The following ICA1L variants were observed in gnomAD, a reference collection of about 807,000 sequenced individuals.
ICA1L encodes the protein islet cell autoantigen 1-like protein.
A neutral mutation model predicts 61.3 loss-of-function variants in ICA1L; 50 were observed. The observed-to-expected ratio is 0.82, with a 90% CI of 0.65 to 1.03. ICA1L has a LOEUF of 1.03. Among genes scored for constraint, ICA1L ranks in the 50% least tolerant of loss-of-function variants. The pLI, the probability that ICA1L is intolerant of heterozygous loss-of-function variation, is 0.00. For missense variants in ICA1L, 508 were observed against 556.7 expected (o/e 0.91, Z 0.88); for synonymous variants, 161 against 191.3 (o/e 0.84, Z 1.31).
chr2:202,808,315 T>C (rs1204394261), intron 9 of ICA1L, among the ~76,000 whole-genome samples: 1 of 151,974 alleles, frequency 6.6e-6, no homozygotes, highest in East Asian at 1.9e-4. Flanking sequence ...GGGCCTTGGG[T>C]GAGTATCAGC....
At chr2:202,824,026 A>G (rs1439872648) in intron 3 of ICA1L, among the ~76,000 whole-genome samples, 5 of 152,226 alleles carry the variant, frequency 3.3e-5, no homozygotes, top group African/African-American at 1.2e-4. Flanking sequence ...AAAATTATTG[A>G]TTCATTGAAA....
chr2:202,827,882 T>TTA (rs1446791063), intron 2 of ICA1L, among the ~76,000 whole-genome samples: 1 of 152,198 alleles, frequency 6.6e-6, no homozygotes, highest in African/African-American at 2.4e-5. Context: ...ACCAGTTTAA[T>TTA]TAGACTCATA....
chr2:202,866,951 A>C (rs1009478300), intron 1 of ICA1L, among the ~76,000 whole-genome samples: 3 of 152,142 alleles, frequency 2.0e-5, no homozygotes, highest in African/African-American at 7.2e-5. Context: ...CATCTCAAAA[A>C]ACTGTAAAAT....
chr2:202,843,437 G>T (rs1175100705), intron 1 of ICA1L, among the ~76,000 whole-genome samples: 1 of 152,180 alleles, frequency 6.6e-6, no homozygotes, highest in African/African-American at 2.4e-5. Flanking sequence ...CGCAAGAGTT[G>T]TTGGGGTCTT....
chr2:202,797,132 T>TTGTGTGTGTGTGTGTG (rs58006631), intron 9 of ICA1L, among the ~76,000 whole-genome samples, 168 bp from the exon 10 acceptor site: 11,266 of 147,586 alleles, frequency 0.076, 515 homozygotes, highest in Middle Eastern at 0.15. Flanking sequence ...AAAATCACAT[T>TTGTGTGTGTGTGTGTG]TGTGTGTGTG....
chr2:202,868,393 C>CT (rs1250567708), intron 1 of ICA1L, among the ~76,000 whole-genome samples: 1 of 152,106 alleles, frequency 6.6e-6, no homozygotes, highest in African/African-American at 2.4e-5. Context: ...ATAGTATAAC[C>CT]ATTTTGGAAA....
intron 1 of ICA1L, among the ~76,000 whole-genome samples, chr2:202,842,428 ATTG>A (rs1328494877): frequency 2.0e-5 from 3 of 152,126 alleles, no homozygotes; most frequent in African/African-American, 7.2e-5. Flanking sequence ...CAAGTAAAGT[ATTG>A]TTGTTTGACA....
At chr2:202,857,487 A>G (rs1694799051) in intron 1 of ICA1L, among the ~76,000 whole-genome samples, 1 of 152,234 alleles carries the variant, frequency 6.6e-6, no homozygotes, top group Non-Finnish European at 1.5e-5. Flanking sequence ...AAGATGGATT[A>G]AAGACTTAAT....
intron 10 of ICA1L, among the ~76,000 whole-genome samples, chr2:202,792,748 G>T (rs1692791650): frequency 6.6e-6 from 1 of 152,060 alleles, no homozygotes; most frequent in Non-Finnish European, 1.5e-5. Flanking sequence ...AGGTTGCAGT[G>T]GGCCAAGATC....
intron 1 of ICA1L, among the ~76,000 whole-genome samples, chr2:202,847,713 A>ATATATATATAT (rs1242055604): frequency 5.4e-5 from 8 of 147,456 alleles, no homozygotes; most frequent in African/African-American, 7.6e-5. Flanking sequence ...ATATATAGTT[A>ATATATATATAT]AGCAGTGAGA....
chr2:202,858,325 C>G (rs1297271270), intron 1 of ICA1L, among the ~76,000 whole-genome samples: 1 of 152,162 alleles, frequency 6.6e-6, no homozygotes, highest in Admixed American at 6.5e-5. Flanking sequence ...TTTGCAGGGA[C>G]ATGGATGAAG....
At chr2:202,812,374 C>G (rs957955650) in intron 8 of ICA1L, among the ~76,000 whole-genome samples, 1 of 152,064 alleles carries the variant, frequency 6.6e-6, no homozygotes, top group Non-Finnish European at 1.5e-5. Context: ...GTCAGGAATT[C>G]GAGACCAGCC....
chr2:202,780,256 G>A (rs72932718), intron 12 of ICA1L, among the ~76,000 whole-genome samples: 172 of 152,190 alleles, frequency 1.1e-3, no homozygotes, highest in Middle Eastern at 3.4e-3. Flanking sequence ...TACCACATTA[G>A]CACACCCAAC....
intron 2 of ICA1L, among the ~76,000 whole-genome samples, chr2:202,828,322 C>T (rs1223422362): frequency 2.0e-5 from 3 of 150,350 alleles, no homozygotes; most frequent in African/African-American, 7.3e-5. Context: ...TCTCTATTAG[C>T]CTAATTACTT....
chr2:202,789,491 C>T (rs1450789541), intron 10 of ICA1L, among the ~76,000 whole-genome samples: 1 of 152,098 alleles, frequency 6.6e-6, no homozygotes, highest in Non-Finnish European at 1.5e-5. Flanking sequence ...TTGGATAACA[C>T]AAACCCTGGT....
At chr2:202,780,206 C>CA (rs1408409911) in intron 12 of ICA1L, among the ~76,000 whole-genome samples, 1 of 152,128 alleles carries the variant, frequency 6.6e-6, no homozygotes, top group East Asian at 1.9e-4. Context: ...AGTGGTATTA[C>CA]AAAAATATTA....
intron 9 of ICA1L, among the ~76,000 whole-genome samples, chr2:202,804,628 A>C (rs1330102122): frequency 6.6e-6 from 1 of 152,192 alleles, no homozygotes; most frequent in Admixed American, 6.5e-5. Flanking sequence ...AAAATTAGTA[A>C]AGATATAGAA....
intron 12 of ICA1L, among the ~76,000 whole-genome samples, chr2:202,783,735 TAA>T (rs1303809714): frequency 6.6e-6 from 1 of 152,188 alleles, no homozygotes; most frequent in Non-Finnish European, 1.5e-5. Flanking sequence ...CTACAGTAGA[TAA>T]TGGTCCTATG....
intron 10 of ICA1L, among the ~76,000 whole-genome samples, chr2:202,795,314 T>G (rs535564848): frequency 3.7e-4 from 56 of 152,038 alleles, no homozygotes; most frequent in African/African-American, 1.3e-3. Context: ...AAAGTTTCTA[T>G]AATTAAAACT....
Sources: gnomAD v4.1 joint callset for allele counts (sites outside exome capture counted in the v4.1 genomes callset) on GRCh38, gnomAD v4.1.1 for gene constraint, MANE v1.5 for transcripts, NCBI Gene and HGNC (gene_info 2026-07-23, HGNC 2026-07-21) for gene names.